Variants in ZFHX3 observed in about 807,000 individuals in gnomAD.
ZFHX3 encodes the protein zinc finger homeobox protein 3.
Under a neutral mutation model 279.1 loss-of-function variants are expected in ZFHX3, and 42 were observed. The observed-to-expected ratio is 0.15, with a 90% CI of 0.12 to 0.19. ZFHX3 has a LOEUF of 0.19. ZFHX3 is among the 10% of genes least tolerant of loss of function. ZFHX3 has a pLI of 1.00. For synonymous variants in ZFHX3, 2,293 were observed against 1,957.8 expected, an observed-to-expected ratio of 1.17 and a Z score of -4.52; for missense variants, 4,981 against 4,754.0, an observed-to-expected ratio of 1.05 and a Z score of -1.40.
chr16:72,945,393 A>C (rs1044399497), intron 3 of ZFHX3, among the ~76,000 whole-genome samples: 2 of 152,172 alleles, frequency 1.3e-5, no homozygotes, highest in African/African-American at 4.8e-5. Flanking sequence ...CCAGGCTCTC[A>C]GTAAGAACCC....
intron 1 of ZFHX3, among the ~76,000 whole-genome samples, chr16:73,774,550 T>G (rs1331237360): frequency 6.6e-6 from 1 of 152,218 alleles, no homozygotes; most frequent in Non-Finnish European, 1.5e-5. Context: ...CTGTATCCAC[T>G]GATGATGCTA....
intron 1 of ZFHX3, among the ~76,000 whole-genome samples, chr16:72,991,796 G>T (rs966582688): frequency 1.3e-5 from 2 of 151,998 alleles, no homozygotes; most frequent in East Asian, 1.9e-4. Context: ...TTTCACCCAC[G>T]CAACACTGGC....
intron 3 of ZFHX3, among the ~76,000 whole-genome samples, chr16:73,409,589 C>A (rs2017426774): frequency 6.6e-6 from 1 of 152,136 alleles, no homozygotes; most frequent in African/African-American, 2.4e-5. Flanking sequence ...ATAGAGCTAC[C>A]ATATGGTCCA....
chr16:73,298,689 C>A (rs944949084), intron 4 of ZFHX3, among the ~76,000 whole-genome samples: 5 of 152,092 alleles, frequency 3.3e-5, no homozygotes, highest in Non-Finnish European at 7.3e-5. Context: ...CTCAGCAATG[C>A]GAACTGATGG....
chr16:73,092,341 TC>T (rs1176577967), intron 8 of ZFHX3: 1 of 152,128 alleles, frequency 6.6e-6, no homozygotes, highest in Non-Finnish European at 1.5e-5. Flanking sequence ...TGAAACAATA[TC>T]CCATTTAAGT....
At position 72,787,477 on chromosome 16, in the gene ZFHX3, G is replaced by A. The variant is rs1305097746; in HGVS notation, c.10799C>T (p.Pro3600Leu). ...AGCGGAGGAGGGGGCGGCGGCCGAC[G>A]GGGGAGGGGGGCTGTCGTTTGAGTG... ...AAHSNDSPPP[P>L]SAAAPSSASP... is the part of the protein sequence containing the mutation. Residue 3600 changes from proline to leucine, a missense_variant, in exon 10 of 10, where the codon CCG becomes CTG. Physicochemically the swap from Pro to Leu is moderately conservative, Grantham distance 98 (BLOSUM62 -3). Around this residue, in one of 7 missense-constraint regions of ZFHX3, gnomAD observed 1,034 missense variants for 786.0 expected, o/e 1.32. Coordinates refer to ENST00000268489, the MANE Select transcript of ZFHX3 (RefSeq NM_006885.4). The A allele has an allele frequency of 9.3e-6, 15 of 1,605,892 alleles. No homozygotes were observed. The highest frequency in any genetic ancestry group is 1.2e-5 in the Non-Finnish European group (14 of 1,174,842).
chr16:72,927,446 T>G (rs1358422899), intron 3 of ZFHX3, among the ~76,000 whole-genome samples: 1 of 152,206 alleles, frequency 6.6e-6, no homozygotes, highest in African/African-American at 2.4e-5. Context: ...TGATTTGCCT[T>G]GGAATCTGGA....
intron 4 of ZFHX3, among the ~76,000 whole-genome samples, chr16:72,874,754 A>C (rs1387974851): frequency 6.6e-6 from 1 of 151,986 alleles, no homozygotes; most frequent in African/African-American, 2.4e-5. Flanking sequence ...ACGGCCTCCC[A>C]AAGTGCTGGC....
At chr16:73,268,005 G>T (rs369550207) in intron 4 of ZFHX3, among the ~76,000 whole-genome samples, 1 of 152,110 alleles carries the variant, frequency 6.6e-6, no homozygotes, top group Non-Finnish European at 1.5e-5. Flanking sequence ...AACCTCCATC[G>T]TTATACTTGG....
At chr16:73,140,268 A>C (rs1382610674) in intron 6 of ZFHX3, among the ~76,000 whole-genome samples, 1 of 152,168 alleles carries the variant, frequency 6.6e-6, no homozygotes, top group Non-Finnish European at 1.5e-5. Flanking sequence ...CTCAAAAAAA[A>C]GGTATAAAAT....
chr16:73,886,686 G>A (rs1346030061), intron 1 of ZFHX3, among the ~76,000 whole-genome samples: 1 of 152,224 alleles, frequency 6.6e-6, no homozygotes, highest in African/African-American at 2.4e-5. Flanking sequence ...AGCGTGAGGA[G>A]AATGTATCAA....
At chr16:73,229,711 A>T (rs988494040) in intron 5 of ZFHX3, among the ~76,000 whole-genome samples, 1 of 152,210 alleles carries the variant, frequency 6.6e-6, no homozygotes, top group Non-Finnish European at 1.5e-5. Flanking sequence ...AAAGGATAAA[A>T]TAGTTTCCTT....
At chr16:73,083,690 T>C (rs1965976459) in intron 8 of ZFHX3, among the ~76,000 whole-genome samples, 1 of 152,118 alleles carries the variant, frequency 6.6e-6, no homozygotes, top group Non-Finnish European at 1.5e-5. Flanking sequence ...CCATCACACC[T>C]GGTTAACTGT....
intron 1 of ZFHX3, among the ~76,000 whole-genome samples, chr16:73,056,693 G>C (rs528822379): frequency 1.9e-4 from 29 of 152,304 alleles, no homozygotes; most frequent in Non-Finnish European, 3.7e-4. Flanking sequence ...CAAGCAAGGC[G>C]CTGGAGCACC....
chr16:73,527,884 C>T (rs1269687877), intron 2 of ZFHX3, among the ~76,000 whole-genome samples: 1 of 152,194 alleles, frequency 6.6e-6, no homozygotes, highest in East Asian at 1.9e-4. Context: ...TAAAGAGAGA[C>T]TTGAGTCAGA....
chr16:73,008,604 GA>G (rs1188644808), intron 1 of ZFHX3, among the ~76,000 whole-genome samples: 1 of 152,214 alleles, frequency 6.6e-6, no homozygotes, highest in African/African-American at 2.4e-5. Context: ...AGAGAGGGAA[GA>G]GGATGTTAAG....
intron 8 of ZFHX3, among the ~76,000 whole-genome samples, chr16:73,076,999 G>A (rs921998208): frequency 6.6e-6 from 1 of 152,048 alleles, no homozygotes; most frequent in Non-Finnish European, 1.5e-5. Flanking sequence ...GATCTTCTAG[G>A]GGAATTCACT....
In ZFHX3 at chr16:73,734,248, G is replaced by A. The variant is rs552963465; in HGVS notation, c.-1607-54008C>T. Among the ~76,000 whole-genome samples the A allele has an allele frequency of 5.5e-4, 84 of 152,160 alleles. 1 individual carries two copies. Among genetic ancestry groups the A allele is most frequent in the Non-Finnish European group, 7.5e-4 (51 of 68,022 alleles). On this transcript the variant is annotated intron_variant, in intron 1 of 17. Transcript: ENST00000641206. ...GGCCATGGACTATCACCAGTCCATGGCCCAGGGTTAGGGGATGGACTTTTG... is the reference window on the plus strand; with the variant it reads ...GGCCATGGACTATCACCAGTCCATGACCCAGGGTTAGGGGATGGACTTTTG...
intron 3 of ZFHX3, among the ~76,000 whole-genome samples, chr16:73,438,653 ATAAAG>A (rs2018036254): frequency 2.0e-5 from 3 of 152,246 alleles, no homozygotes; most frequent in Admixed American, 6.5e-5. Context: ...TGATATAGTG[ATAAAG>A]TAGAGGAATA....
Sources: gnomAD v4.1 joint callset for allele counts (sites outside exome capture counted in the v4.1 genomes callset) on GRCh38, gnomAD v4.1.1 for gene constraint, gnomAD v4.1.1 regional missense constraint, MANE v1.5 for transcripts, NCBI Gene and HGNC (gene_info 2026-07-23, HGNC 2026-07-21) for gene names.